Variants in DRG2 observed in about 807,000 individuals in gnomAD.
DRG2 encodes the protein developmentally-regulated GTP-binding protein 2.
A neutral mutation model predicts 53.4 loss-of-function variants in DRG2; 36 were observed. That is an observed-to-expected ratio of 0.67 (90% CI 0.52 to 0.89). The LOEUF is 0.89. Ranked by LOEUF, DRG2 falls within the 40% of genes least tolerant of loss-of-function variation. DRG2 has a pLI of 0.00. For missense variants in DRG2, 342 were observed against 481.2 expected, an observed-to-expected ratio of 0.71 and a Z score of 2.71; for synonymous variants, 167 against 192.1, an observed-to-expected ratio of 0.87 and a Z score of 1.08.
In DRG2 at chr17:18,100,127, C is replaced by G. The variant is rs73979267; in HGVS notation, c.468-236C>G. On this transcript the variant is annotated intron_variant, in intron 5 of 12. Coordinates refer to ENST00000225729, the MANE Select transcript of DRG2 (RefSeq NM_001388.5). The surrounding 1 kb of genome is among the most constrained non-coding windows in gnomAD (Gnocchi z 4.1). ...ATGTGGTCACCTCGCGGGGGCTCCA[C>G]CACTTGCCTGTGCATGCCGACCGTA... 3.9e-3 allele frequency: 2,350 copies of G among 598,522 alleles called. 36 individuals are homozygous for G. Among genetic ancestry groups the G allele is most frequent in the African/African-American group, 0.038 (2,062 of 53,972 alleles). 37.1% of individuals were successfully genotyped at this position (598,522 alleles called of 1,614,324 possible). A position where few individuals can be genotyped will look rare whatever the true frequency, so the allele number is the denominator to read the frequency against.
At chr17:18,090,829 C>G (rs190232076) in intron 1 of DRG2, among the ~76,000 whole-genome samples, 18 of 151,480 alleles carry the variant, frequency 1.2e-4, no homozygotes, top group Admixed American at 8.6e-4. Flanking sequence ...AGCCACCCCA[C>G]CCGGCCAATT....
At position 18,098,428 on chromosome 17, in the gene DRG2, A is replaced by G; in HGVS notation, c.315+69A>G. The stretch of plus-strand genomic sequence containing the variant: ...TGTGTTTGGACTTGTGCCTGTGCCC[A>G]CCCTGTGTGTGAGTCTGGGTGGATG... On this transcript the variant is annotated intron_variant, in intron 3 of 12. Coordinates refer to ENST00000225729, the MANE Select transcript of DRG2 (RefSeq NM_001388.5). This position sits in a 1 kb window ranked among gnomAD's most constrained non-coding sequence, Gnocchi z 4.1. 4 of 1,421,860 alleles carry G rather than the reference A, an allele frequency of 2.8e-6. No individual in the cohort carries two copies. The highest frequency in any genetic ancestry group is 4.0e-6 in the Non-Finnish European group (4 of 1,008,350). 88.1% of individuals were successfully genotyped at this position (1,421,860 alleles called of 1,614,324 possible).
In DRG2 at chr17:18,101,473, C is replaced by T; in HGVS notation, c.632-20C>T. The T allele has an allele frequency of 6.2e-7, 1 of 1,612,754 alleles. No homozygotes were observed. The highest frequency in any genetic ancestry group is 8.5e-7 in the Non-Finnish European group (1 of 1,179,184). The stretch of plus-strand genomic sequence containing the variant: ...CAGGGGCAGCTGGTGCACAGGTTGC[C>T]CTTAATCGGAGCCCCTCAGAGATCT... On this transcript the variant is annotated intron_variant, in intron 7 of 12. Coordinates refer to ENST00000225729, the MANE Select transcript of DRG2 (RefSeq NM_001388.5).
At chr17:18,101,720 T>A (rs1347151395) in intron 8 of DRG2, 130 bp downstream of exon 8, 19 of 1,075,688 alleles carry the variant, frequency 1.8e-5, no homozygotes, top group Non-Finnish European at 2.6e-5. Context: ...CTCACCTCAG[T>A]GGCTGCTTGG....
At position 18,094,974 on chromosome 17, in the gene DRG2, C is replaced by CAAAAAAAAA. The variant is rs1165321853; in HGVS notation, c.225+1022_225+1030dup. Among the ~76,000 whole-genome samples the CAAAAAAAAA allele has an allele frequency of 2.0e-4, 5 of 25,316 alleles. 1 individual carries two copies. Among genetic ancestry groups the CAAAAAAAAA allele is most frequent in the African/African-American group, 3.3e-4 (3 of 9,028 alleles). The allele number at this position is 25,316 out of a possible 152,430, so 16.6% of individuals were successfully genotyped here. On this transcript the variant is annotated intron_variant, in intron 2 of 12. Transcript: ENST00000225729. ...GGGCAACAAGAGCAAAACTCCATCT[C>CAAAAAAAAA]AAAAAAAAAAAAAAAAAAAAAAAAA... is the stretch of plus-strand genomic sequence containing the variant.
At chr17:18,106,280 G>A (rs540751894) in intron 11 of DRG2, 153 bp from the exon 12 acceptor site, 9 of 753,048 alleles carry the variant, frequency 1.2e-5, no homozygotes, top group African/African-American at 6.8e-5. Context: ...AATTGAGCAC[G>A]TCAGTCCTCC....
chr17:18,105,619 A>G (rs935164062), intron 11 of DRG2: 9 of 152,320 alleles, frequency 5.9e-5, no homozygotes, highest in African/African-American at 1.7e-4. Flanking sequence ...ACAAGTGGCA[A>G]TGCTGGGCAA....
chr17:18,100,094 G>A lies in DRG2; in HGVS notation c.468-269G>A. On this transcript the variant is annotated intron_variant, in intron 5 of 12. Coordinates refer to ENST00000225729, the MANE Select transcript of DRG2 (RefSeq NM_001388.5). This position sits in a 1 kb window ranked among gnomAD's most constrained non-coding sequence, Gnocchi z 4.1. ...GCCTGCCTCCTCGGGACCAGAAGGA[G>A]TACCCTCATGTGGTCACCTCGCGGG... is the stretch of plus-strand genomic sequence containing the variant. 1.7e-6 allele frequency: 1 copy of A among 582,750 alleles called. No homozygotes were observed. The highest frequency in any genetic ancestry group is 3.1e-6 in the Non-Finnish European group (1 of 326,524). The allele number at this position is 582,750 out of a possible 1,614,324, so 36.1% of individuals were successfully genotyped here.
chr17:18,095,477 C>T (rs954021643), intron 2 of DRG2: 3 of 149,304 alleles, frequency 2.0e-5, no homozygotes, highest in Non-Finnish European at 4.4e-5. Context: ...TCACTACAAC[C>T]TCCGCCTCCC....
At chr17:18,094,053 G>A (rs1019225209) in intron 2 of DRG2, 80 bp downstream of exon 2, 138 of 1,535,438 alleles carry the variant, frequency 9.0e-5, no homozygotes, top group Middle Eastern at 1.9e-4. Flanking sequence ...GGCTCCCCTC[G>A]CTGCCTTTCT....
intron 2 of DRG2, among the ~76,000 whole-genome samples, chr17:18,094,733 G>A (rs2045397030): frequency 6.6e-6 from 1 of 152,052 alleles, no homozygotes; most frequent in Non-Finnish European, 1.5e-5. Flanking sequence ...CCAGCACTTT[G>A]GGAGGCCAAG....
In DRG2 at chr17:18,100,235, G is replaced by A; in HGVS notation, c.468-128G>A. ...GGGCATTGGGAAGGAGTGTTCTCTG[G>A]GTTGCTGGGGAAGGGGGTGGAGGAG... On this transcript the variant is annotated intron_variant, in intron 5 of 12. Transcript: ENST00000225729. The surrounding 1 kb of genome is among the most constrained non-coding windows in gnomAD (Gnocchi z 4.1). 1 of 929,824 alleles carries A rather than the reference G, an allele frequency of 1.1e-6. No individual in the cohort carries two copies. The highest frequency in any genetic ancestry group is 1.7e-6 in the Non-Finnish European group (1 of 572,460). The allele number at this position is 929,824 out of a possible 1,614,324, so 57.6% of individuals were successfully genotyped here.
chr17:18,090,390 ATATATATATATATATATTTTTT>A (rs1170925813), intron 1 of DRG2, among the ~76,000 whole-genome samples: 86 of 10,514 alleles, frequency 8.2e-3, no homozygotes, highest in African/African-American at 0.058. Context: ...ATATATATAT[ATATATATATATATATATTTTTT>A]TTTTTTTTTT....
chr17:18,092,052 T>C (rs2045343171), intron 1 of DRG2: 1 of 152,150 alleles, frequency 6.6e-6, no homozygotes, highest in Admixed American at 6.5e-5. Flanking sequence ...AGAAGTGACA[T>C]TTGAGCTGCA....
In DRG2 at chr17:18,098,886, G is replaced by A. The variant is rs2045477882; in HGVS notation, c.316-131G>A. On this transcript the variant is annotated intron_variant, in intron 3 of 12. Coordinates refer to ENST00000225729, the MANE Select transcript of DRG2 (RefSeq NM_001388.5). The surrounding 1 kb of genome is among the most constrained non-coding windows in gnomAD (Gnocchi z 4.1). ...TGGGGTGGTGACAAGGCTCAGACTT[G>A]GCCACAGGTTGGCATCTGGGTTTCC... 1.0e-6 allele frequency: 1 copy of A among 989,424 alleles called. No homozygotes were observed. 61.3% of individuals were successfully genotyped at this position (989,424 alleles called of 1,614,324 possible).
At chr17:18,090,187 C>CTTTTTTTTT (rs764657114) in intron 1 of DRG2, among the ~76,000 whole-genome samples, 2 of 70,270 alleles carry the variant, frequency 2.8e-5, no homozygotes, top group East Asian at 6.5e-4. Flanking sequence ...ACACTGAATC[C>CTTTTTTTTT]TTTTTTTTTT....
rs374864284 is a variant in DRG2, at chr17:18,101,502, A to G, written c.641A>G (p.Asn214Ser). The change falls in exon 8 of 13, where the codon AAT becomes AGT. Residue 214 changes from asparagine (N) to serine (S), a missense_variant. Transcript: ENST00000225729. ...AATCGGAGCCCCTCAGAGATCTTCAATGCAGAAGTGCTTTTCCGAGAAGAC... is the reference window on the plus strand; with the variant it reads ...AATCGGAGCCCCTCAGAGATCTTCAGTGCAGAAGTGCTTTTCCGAGAAGAC... ...QLILHEYKIF[N>S]AEVLFREDCS... 31 of 1,614,016 alleles carry G rather than the reference A, an allele frequency of 1.9e-5. No individual in the cohort carries two copies. The highest frequency in any genetic ancestry group is 3.3e-5 in the South Asian group (3 of 91,080).
At chr17:18,104,039 C>T in intron 10 of DRG2, 150 bp downstream of exon 10, 1 of 762,382 alleles carries the variant, frequency 1.3e-6, no homozygotes, top group Non-Finnish European at 2.1e-6. Flanking sequence ...CAGCACTGGG[C>T]ACTGCTGGTT....
intron 2 of DRG2, chr17:18,096,043 A>G (rs2975004): frequency 0.82 from 124,786 of 152,176 alleles, 52,359 homozygotes; most frequent in South Asian, 0.94. Flanking sequence ...GGTGTGTCCA[A>G]TGTTTTTCTC....
Sources: gnomAD v4.1 joint callset for allele counts (sites outside exome capture counted in the v4.1 genomes callset) on GRCh38, gnomAD v4.1.1 for gene constraint, Gnocchi (gnomAD v3.1) non-coding constraint, MANE v1.5 for transcripts, NCBI Gene and HGNC (gene_info 2026-07-23, HGNC 2026-07-21) for gene names.